Variants in CHL1 observed in about 807,000 individuals in gnomAD.
CHL1 encodes cell adhesion molecule L1 like.
CHL1 carries 96 observed loss-of-function variants against 141.9 expected under a neutral mutation model. The observed-to-expected ratio is 0.68, with a 90% CI of 0.57 to 0.80. The LOEUF is 0.80. CHL1 is among the 30% of genes least tolerant of loss of function. The probability of loss-of-function intolerance (pLI) is 0.00; values close to 1 mark genes in which losing one functional copy is unlikely to be tolerated. For missense variants in CHL1, 1,820 were observed against 1,457.2 expected, an observed-to-expected ratio of 1.25 and a Z score of -4.05; for synonymous variants, 613 against 502.2, an observed-to-expected ratio of 1.22 and a Z score of -2.95.
At chr3:209,158 G>A (rs1699689990) in intron 1 of CHL1, among the ~76,000 whole-genome samples, 2 of 152,160 alleles carry the variant, frequency 1.3e-5, no homozygotes, top group Admixed American at 1.3e-4. Context: ...TCACTAAAAT[G>A]TAAACACTTG....
intron 11 of CHL1, among the ~76,000 whole-genome samples, chr3:357,060 T>A (rs1703785614): frequency 6.6e-6 from 1 of 152,198 alleles, no homozygotes; most frequent in African/African-American, 2.4e-5. Context: ...TATTTTGAAA[T>A]TGAGCCAATA....
At chr3:365,773 A>T (rs1446397312) in intron 14 of CHL1, among the ~76,000 whole-genome samples, 177 bp from the exon 15 acceptor site, 1 of 152,220 alleles carries the variant, frequency 6.6e-6, no homozygotes, top group Non-Finnish European at 1.5e-5. Flanking sequence ...TCAGATGTCC[A>T]AGCCTGGATG....
chr3:401,743 G>T (rs1435955447), intron 27 of CHL1, 45 bp downstream of exon 27: 1 of 1,137,396 alleles, frequency 8.8e-7, no homozygotes. Context: ...TATTCATCAT[G>T]TTGAAAGCTT....
intron 2 of CHL1, among the ~76,000 whole-genome samples, chr3:298,554 A>T (rs996006857): frequency 6.6e-6 from 1 of 152,148 alleles, no homozygotes; most frequent in Non-Finnish European, 1.5e-5. Context: ...CATAGATTTC[A>T]GGTTTGTTTA....
In CHL1 at chr3:399,145, T is replaced by G. The variant is rs200081497; in HGVS notation, c.3382T>G (p.Ser1128Ala). 1.9e-5 allele frequency: 30 copies of G among 1,608,828 alleles called. No individual in the cohort carries two copies. The Middle Eastern group carries it at 3.1e-3, about 168-fold the overall frequency. The change falls in exon 26 of 28, where the codon TCA becomes GCA. Residue 1128 changes from serine (S) to alanine (A), a missense_variant. Ser to Ala is a moderately conservative substitution (Grantham distance 99). Transcript: ENST00000256509. ...FVKRNRGGKY[S>A]VKEKEDLHPD... ...GAAGAGGAATAGAGGTGGAAAGTACTCAGGTAAAATTGTTTCTTAATGTGA... is the reference window on the plus strand; with the variant it reads ...GAAGAGGAATAGAGGTGGAAAGTACGCAGGTAAAATTGTTTCTTAATGTGA...
chr3:229,250 T>C (rs984531913), intron 1 of CHL1, among the ~76,000 whole-genome samples: 1 of 152,218 alleles, frequency 6.6e-6, no homozygotes, highest in Non-Finnish European at 1.5e-5. Flanking sequence ...ATAATGTTTT[T>C]TTCCTAATTG....
intron 11 of CHL1, among the ~76,000 whole-genome samples, chr3:357,072 G>A (rs1703786449): frequency 2.0e-5 from 3 of 152,214 alleles, no homozygotes; most frequent in Admixed American, 2.0e-4. Flanking sequence ...GAGCCAATAG[G>A]TTTGTTAATG....
At chr3:372,451 C>T (rs1458991377) in intron 15 of CHL1, among the ~76,000 whole-genome samples, 1 of 152,184 alleles carries the variant, frequency 6.6e-6, no homozygotes, top group African/African-American at 2.4e-5. Context: ...TGTTTTTCAG[C>T]TCCATCAGGT....
Position 270,016 on chromosome 3 carries a change from G to C in CHL1, c.-95+25324G>C, listed in dbSNP as rs577574789. Among the ~76,000 whole-genome samples the C allele has an allele frequency of 7.6e-4, 115 of 152,288 alleles. 3 individuals are homozygous for C. In the South Asian group the frequency reaches 0.02, roughly 26 times the overall value. ...CTGACCCAGTAGAGGGGCCAGGCTA[G>C]AAGAGATGTGATAATTCCAAGGTGC... On this transcript the variant is annotated intron_variant, in intron 2 of 27. Transcript: ENST00000256509.
chr3:315,139 C>G (rs1189370113), intron 2 of CHL1, among the ~76,000 whole-genome samples: 1 of 152,126 alleles, frequency 6.6e-6, no homozygotes, highest in East Asian at 1.9e-4. Context: ...CAATGATCAT[C>G]ACTTTCACTA....
chr3:398,899 A>G (rs1410308324), intron 25 of CHL1, 118 bp from the exon 26 acceptor site: 8 of 858,698 alleles, frequency 9.3e-6, no homozygotes, highest in African/African-American at 6.7e-5. Context: ...TTCTGGGGTC[A>G]TTAAAAAAAC....
At chr3:342,170 G>C (rs1435098233) in intron 7 of CHL1, 88 bp downstream of exon 7, 8 of 1,265,452 alleles carry the variant, frequency 6.3e-6, no homozygotes, top group African/African-American at 1.5e-5. Flanking sequence ...TTTAAAGCTG[G>C]GTTGATATTT....
chr3:373,032 A>G (rs547005308), intron 15 of CHL1, among the ~76,000 whole-genome samples: 1 of 151,702 alleles, frequency 6.6e-6, no homozygotes, highest in South Asian at 2.1e-4. Flanking sequence ...CAGTAGGATC[A>G]CTCCTATATA....
chr3:290,111 G>A (rs1697549203), intron 2 of CHL1, among the ~76,000 whole-genome samples: 1 of 151,418 alleles, frequency 6.6e-6, no homozygotes, highest in African/African-American at 2.4e-5. Flanking sequence ...AGAAAACTAG[G>A]GAGCACTTCT....
chr3:200,591 C>T (rs1462384015), intron 1 of CHL1, among the ~76,000 whole-genome samples: 1 of 152,202 alleles, frequency 6.6e-6, no homozygotes, highest in South Asian at 2.1e-4. Flanking sequence ...TAAGTTAACA[C>T]AGCTAATGAG....
intron 1 of CHL1, among the ~76,000 whole-genome samples, chr3:207,621 T>C (rs1012636920): frequency 2.0e-5 from 3 of 152,216 alleles, no homozygotes; most frequent in African/African-American, 7.2e-5. Flanking sequence ...GCATGAATAA[T>C]AGGCTATATT....
At chr3:207,559 A>T (rs1202498714) in intron 1 of CHL1, among the ~76,000 whole-genome samples, 3 of 152,268 alleles carry the variant, frequency 2.0e-5, no homozygotes, top group Non-Finnish European at 2.9e-5. Context: ...AACACTGCCC[A>T]CAAGGGTAAA....
rs1055525205 is a variant in CHL1, at chr3:406,939, T to C, written c.*1228T>C. 1 of 152,184 alleles carries C rather than the reference T, an allele frequency of 6.6e-6. No individual in the cohort carries two copies. The highest frequency in any genetic ancestry group is 6.5e-5 in the Admixed American group (1 of 15,268). The allele number at this position is 152,184 out of a possible 1,614,324, so 9.4% of individuals were successfully genotyped here. ...CCCCTCAAAAGAAAAACTGTTTACA[T>C]AGAAATTCCTACACATACGTTTGCG... On this transcript the variant is annotated 3_prime_UTR_variant, in exon 28 of 28. Coordinates refer to ENST00000256509, the MANE Select transcript of CHL1 (RefSeq NM_006614.4).
chr3:255,508 TGTGTGTATACATACATAC>T (rs1260521067), intron 2 of CHL1, among the ~76,000 whole-genome samples: 2 of 152,080 alleles, frequency 1.3e-5, no homozygotes, highest in East Asian at 3.8e-4. Flanking sequence ...TATGTGTGTG[TGTGTGTATACATACATAC>T]ACACTAAACT....
Sources: gnomAD v4.1 joint callset for allele counts (sites outside exome capture counted in the v4.1 genomes callset) on GRCh38, gnomAD v4.1.1 for gene constraint, MANE v1.5 for transcripts, NCBI Gene and HGNC (gene_info 2026-07-23, HGNC 2026-07-21) for gene names.